The following KIF6 variants were observed in gnomAD, a reference collection of about 807,000 sequenced individuals.
KIF6 encodes kinesin-like protein KIF6.
A neutral mutation model predicts 112.7 loss-of-function variants in KIF6; 106 were observed. That is an observed-to-expected ratio of 0.94 (90% CI 0.80 to 1.11). The LOEUF (loss-of-function observed/expected upper bound fraction) is 1.11. KIF6 is among the 50% of genes least tolerant of loss of function. The pLI, the probability that KIF6 is intolerant of heterozygous loss-of-function variation, is 0.00. For missense variants in KIF6, 929 were observed against 964.0 expected (o/e 0.96, Z 0.48); for synonymous variants, 339 against 339.9 (o/e 1.00, Z 0.03).
intron 3 of KIF6, among the ~76,000 whole-genome samples, chr6:39,679,016 G>C (rs1787339069): frequency 6.6e-6 from 1 of 152,128 alleles, no homozygotes; most frequent in African/African-American, 2.4e-5. Context: ...AATGACAGCA[G>C]AATTTTAAAA....
At chr6:39,496,928 CA>C (rs1011169672) in intron 13 of KIF6, among the ~76,000 whole-genome samples, 1 of 152,324 alleles carries the variant, frequency 6.6e-6, no homozygotes, top group African/African-American at 2.4e-5. Flanking sequence ...TACAGATTTA[CA>C]AAACTGCCAC....
intron 13 of KIF6, among the ~76,000 whole-genome samples, chr6:39,501,004 C>T (rs73732117): frequency 4.6e-5 from 7 of 152,056 alleles, no homozygotes; most frequent in South Asian, 4.1e-4. Context: ...ATGGAAGGGG[C>T]GAGTGGATAC....
intron 16 of KIF6, among the ~76,000 whole-genome samples, chr6:39,383,494 T>A (rs746657096): frequency 5.3e-5 from 8 of 152,076 alleles, no homozygotes; most frequent in African/African-American, 1.4e-4. Flanking sequence ...ATTTCAGGAG[T>A]CTTTGTCTTG....
intron 13 of KIF6, among the ~76,000 whole-genome samples, chr6:39,529,026 C>A (rs1777897758): frequency 6.6e-6 from 1 of 152,160 alleles, no homozygotes; most frequent in Admixed American, 6.5e-5. Context: ...GTAGACTCAA[C>A]TGATTTTTGA....
At chr6:39,652,331 C>G (rs1785515508) in intron 3 of KIF6, among the ~76,000 whole-genome samples, 1 of 152,054 alleles carries the variant, frequency 6.6e-6, no homozygotes, top group Non-Finnish European at 1.5e-5. Flanking sequence ...GAGTTCAAGA[C>G]CAGCCTGACC....
At chr6:39,357,620 T>C (rs1418459150) in intron 18 of KIF6, among the ~76,000 whole-genome samples, 2 of 152,080 alleles carry the variant, frequency 1.3e-5, no homozygotes, top group Non-Finnish European at 2.9e-5. Flanking sequence ...GGCAAATTTT[T>C]GTATTTATAG....
chr6:39,449,992 T>G (rs1390921252), intron 13 of KIF6, among the ~76,000 whole-genome samples: 1 of 152,216 alleles, frequency 6.6e-6, no homozygotes, highest in African/African-American at 2.4e-5. Flanking sequence ...TAGGTTTTCA[T>G]TTTTGGGAGT....
rs1037988543 is a variant in KIF6, at chr6:39,330,948, G to A, written c.*5584C>T. ...CTGGCAGTCCCTGGACACGTGTTAT[G>A]GAAGGAACACTGTCTCCCCCACATG... On this transcript the variant is annotated 3_prime_UTR_variant, in exon 23 of 23. Coordinates refer to ENST00000287152, the MANE Select transcript of KIF6 (RefSeq NM_145027.6). The A allele has an allele frequency of 2.0e-5, 3 of 152,398 alleles. No homozygotes were observed. Among genetic ancestry groups the A allele is most frequent in the African/African-American group, 7.2e-5 (3 of 41,432 alleles). The allele number at this position is 152,398 out of a possible 1,614,324, so 9.4% of individuals were successfully genotyped here.
chr6:39,648,228 G>A (rs1366578708), intron 3 of KIF6, among the ~76,000 whole-genome samples: 2 of 122,946 alleles, frequency 1.6e-5, no homozygotes, highest in Admixed American at 8.2e-5. Flanking sequence ...GCGGGCGGGG[G>A]GGGGTGCCTC....
At chr6:39,366,031 T>G (rs74884141) in intron 16 of KIF6, among the ~76,000 whole-genome samples, 5,455 of 152,330 alleles carry the variant, frequency 0.036, 172 homozygotes, top group Non-Finnish European at 0.048. Flanking sequence ...ACTGGTTGTC[T>G]TTTCCTTGGG....
At chr6:39,587,003 T>C (rs1490731327) in intron 7 of KIF6, among the ~76,000 whole-genome samples, 2 of 152,176 alleles carry the variant, frequency 1.3e-5, no homozygotes, top group African/African-American at 4.8e-5. Flanking sequence ...ACCTAGCCCA[T>C]AACAAGTGCT....
chr6:39,552,548 C>T (rs541660949), intron 10 of KIF6, among the ~76,000 whole-genome samples: 2 of 152,312 alleles, frequency 1.3e-5, no homozygotes, highest in African/African-American at 4.8e-5. Flanking sequence ...AGAATCCCCA[C>T]TCTTTGCATT....
chr6:39,419,870 A>C (rs1035377428), intron 15 of KIF6, 78 bp downstream of exon 15: 2 of 1,263,456 alleles, frequency 1.6e-6, no homozygotes, highest in East Asian at 2.3e-5. Flanking sequence ...CTTCATGGCC[A>C]TTTGGAGGCA....
At chr6:39,406,441 T>C (rs573270807) in intron 15 of KIF6, among the ~76,000 whole-genome samples, 4 of 152,350 alleles carry the variant, frequency 2.6e-5, no homozygotes, top group Non-Finnish European at 5.9e-5. Context: ...CTTTATTGTG[T>C]TTCTCTTTTG....
intron 13 of KIF6, among the ~76,000 whole-genome samples, chr6:39,477,467 G>A (rs1397657228): frequency 1.3e-5 from 2 of 152,086 alleles, no homozygotes; most frequent in Non-Finnish European, 2.9e-5. Flanking sequence ...GAGATAAGGG[G>A]TTTATCTAGT....
chr6:39,385,535 G>C (rs546451209), intron 16 of KIF6, 87 bp downstream of exon 16: 4 of 1,128,662 alleles, frequency 3.5e-6, no homozygotes, highest in Non-Finnish European at 5.4e-6. Flanking sequence ...TTTTAAATGG[G>C]TTATCTTTTA....
rs1582469673 is a variant in KIF6, at chr6:39,696,116, G to C, written c.251+18576C>G. Among the ~76,000 whole-genome samples, 5 of 152,066 alleles carry C rather than the reference G, an allele frequency of 3.3e-5. No individual in the cohort carries two copies. The South Asian group carries it at 1.0e-3, about 32-fold the overall frequency. On this transcript the variant is annotated intron_variant, in intron 3 of 22. Coordinates refer to ENST00000287152, the MANE Select transcript of KIF6 (RefSeq NM_145027.6). ...CACAAAGATGGGAACAATAAGCACT[G>C]GGGATTCCAAAAAGGGGGAGTGGAG...
At chr6:39,442,182 C>T (rs1771956774) in intron 13 of KIF6, among the ~76,000 whole-genome samples, 1 of 152,152 alleles carries the variant, frequency 6.6e-6, no homozygotes, top group Admixed American at 6.5e-5. Flanking sequence ...TTCCTTTTGT[C>T]TTGGTAACTG....
At chr6:39,394,513 T>C (rs912064877) in intron 15 of KIF6, among the ~76,000 whole-genome samples, 3 of 152,168 alleles carry the variant, frequency 2.0e-5, no homozygotes, top group South Asian at 2.1e-4. Context: ...GAAGTGAAGG[T>C]GGAAGACAGA....
Sources: gnomAD v4.1 joint callset for allele counts (sites outside exome capture counted in the v4.1 genomes callset) on GRCh38, gnomAD v4.1.1 for gene constraint, MANE v1.5 for transcripts, NCBI Gene and HGNC (gene_info 2026-07-23, HGNC 2026-07-21) for gene names.